The following TGFBR3 variants were observed in gnomAD, a reference collection of about 807,000 sequenced individuals.
The protein encoded by TGFBR3 is transforming growth factor beta receptor 3.
In TGFBR3, 46 loss-of-function variants were observed where a neutral mutation model predicts 87.9. The observed-to-expected ratio is 0.52, with a 90% CI of 0.41 to 0.67. The LOEUF (loss-of-function observed/expected upper bound fraction) is 0.67, where lower values mean the gene tolerates loss of function less well. Ranked by LOEUF, TGFBR3 falls within the 30% of genes least tolerant of loss-of-function variation. The pLI is 0.00. For synonymous variants in TGFBR3, 381 were observed against 391.6 expected (o/e 0.97, Z 0.32); for missense variants, 866 against 1,041.9 (o/e 0.83, Z 2.32).
At position 91,759,383 on chromosome 1, in the gene TGFBR3, CAAAAAAAAAAAAA is replaced by C. The variant is rs35600646; in HGVS notation, c.247-646_247-634del. ...AAGAGTGATTGTATACAGCCCCTGTCAAAAAAAAAAAAAAAAAAAAAACAGGGAAGAAAACCAT... is the reference window on the plus strand; with the variant it reads ...AAGAGTGATTGTATACAGCCCCTGTCAAAAAAAAACAGGGAAGAAAACCAT... On this transcript the variant is annotated intron_variant, in intron 3 of 16. Coordinates refer to ENST00000212355, the MANE Select transcript of TGFBR3 (RefSeq NM_003243.5). Among the ~76,000 whole-genome samples the C allele has an allele frequency of 4.7e-5, 4 of 84,736 alleles. No homozygotes were observed. The Admixed American group carries it at 5.2e-4, about 11-fold the overall frequency. The allele number at this position is 84,736 out of a possible 152,430, so 55.6% of individuals were successfully genotyped here.
intron 3 of TGFBR3, among the ~76,000 whole-genome samples, chr1:91,782,571 T>C (rs748914005): frequency 1.3e-4 from 20 of 152,194 alleles, no homozygotes; most frequent in Non-Finnish European, 5.9e-5. Context: ...AAGGATTGTT[T>C]TTACCTTCAT....
intron 3 of TGFBR3, among the ~76,000 whole-genome samples, chr1:91,790,082 G>A (rs991776105): frequency 6.6e-6 from 1 of 152,144 alleles, no homozygotes; most frequent in African/African-American, 2.4e-5. Flanking sequence ...ATGGGCAGGT[G>A]GGGAGAGACA....
At chr1:91,720,975 C>T (rs944372269) in intron 8 of TGFBR3, among the ~76,000 whole-genome samples, 3 of 152,102 alleles carry the variant, frequency 2.0e-5, no homozygotes, top group Admixed American at 6.6e-5. Context: ...AAGGGAGAGA[C>T]GTATTTCCAT....
chr1:91,830,809 T>C (rs980490667), intron 2 of TGFBR3, among the ~76,000 whole-genome samples: 1 of 152,042 alleles, frequency 6.6e-6, no homozygotes, highest in Admixed American at 6.6e-5. Flanking sequence ...GGTCAGAGCT[T>C]GGTGCAAAAG....
intron 5 of TGFBR3, among the ~76,000 whole-genome samples, chr1:91,732,333 T>G (rs1188012297): frequency 2.0e-5 from 3 of 152,100 alleles, no homozygotes; most frequent in Non-Finnish European, 4.4e-5. Context: ...AAGCATCAGA[T>G]CTCCTAAAGG....
intron 3 of TGFBR3, among the ~76,000 whole-genome samples, chr1:91,780,081 CCA>C (rs1231796906): frequency 6.6e-6 from 1 of 152,114 alleles, no homozygotes; most frequent in Non-Finnish European, 1.5e-5. Flanking sequence ...TATTTAGGGG[CCA>C]CCAGATAATC....
chr1:91,879,679 A>G (rs920196636), intron 1 of TGFBR3, among the ~76,000 whole-genome samples: 1 of 152,232 alleles, frequency 6.6e-6, no homozygotes, highest in Admixed American at 6.5e-5. Context: ...GCAAGACATC[A>G]AAATCATTAT....
At chr1:91,805,459 C>T (rs1001208922) in intron 2 of TGFBR3, among the ~76,000 whole-genome samples, 1 of 152,224 alleles carries the variant, frequency 6.6e-6, no homozygotes, top group African/African-American at 2.4e-5. Context: ...CACAGAGGCA[C>T]AGCCCCCTTC....
At chr1:91,896,467 C>A (rs1412173238) in intron 2 of TGFBR3, among the ~76,000 whole-genome samples, 1 of 152,134 alleles carries the variant, frequency 6.6e-6, no homozygotes, top group East Asian at 1.9e-4. Context: ...CCTGAGGGAA[C>A]CGGGACCAAT....
chr1:91,795,208 A>G (rs1342747656), intron 3 of TGFBR3, among the ~76,000 whole-genome samples: 1 of 152,240 alleles, frequency 6.6e-6, no homozygotes, highest in Non-Finnish European at 1.5e-5. Context: ...AACTACAACC[A>G]TCTAATTCTT....
intron 4 of TGFBR3, among the ~76,000 whole-genome samples, chr1:91,754,393 G>A (rs1382709398): frequency 6.6e-6 from 1 of 152,044 alleles, no homozygotes. Flanking sequence ...ATTTCTGATT[G>A]TTCTCTGGGC....
intron 3 of TGFBR3, among the ~76,000 whole-genome samples, chr1:91,780,956 G>C (rs1374252685): frequency 6.6e-6 from 1 of 151,218 alleles, no homozygotes; most frequent in Non-Finnish European, 1.5e-5. Context: ...CCTGGCATTT[G>C]AGCCATCAGC....
intron 16 of TGFBR3, among the ~76,000 whole-genome samples, chr1:91,686,140 C>T (rs886291271): frequency 6.6e-6 from 1 of 152,140 alleles, no homozygotes; most frequent in African/African-American, 2.4e-5. Context: ...CAGGATCTGC[C>T]CTGTGCTTGA....
rs17882144 is a variant in TGFBR3, at chr1:91,727,617, CA to C, written c.885+41del. On this transcript the variant is annotated intron_variant, in intron 7 of 16. Transcript: ENST00000212355. Reference sequence around the variant, plus strand: ...TATAAAGTACAGCTTAAATTGTTGTCATTTATCTAAACAAAACAAAAGACAT... The same window carrying C: ...TATAAAGTACAGCTTAAATTGTTGTCTTTATCTAAACAAAACAAAAGACAT... 6.1e-5 allele frequency: 98 copies of C among 1,611,726 alleles called. No homozygotes were observed. The Admixed American group carries it at 1.6e-3, about 27-fold the overall frequency.
chr1:91,683,407 C>T lies in TGFBR3; in HGVS notation c.*332G>A, dbSNP rs1384108192. On this transcript the variant is annotated 3_prime_UTR_variant, in exon 17 of 17. Coordinates refer to ENST00000212355, the MANE Select transcript of TGFBR3 (RefSeq NM_003243.5). ...CTCAGGGCCCCAAATTATGGATGTT[C>T]TCACCTGGACAAAGCAGCATTTTAA... 1 of 540,828 alleles carries T rather than the reference C, an allele frequency of 1.8e-6. No homozygotes were observed. Among genetic ancestry groups the T allele is most frequent in the South Asian group, 1.5e-5 (1 of 65,208 alleles). The allele number at this position is 540,828 out of a possible 1,614,324, so 33.5% of individuals were successfully genotyped here.
chr1:91,730,536 G>C (rs1218127229), intron 5 of TGFBR3, among the ~76,000 whole-genome samples: 4 of 152,004 alleles, frequency 2.6e-5, no homozygotes, highest in African/African-American at 9.7e-5. Flanking sequence ...GACTTATACT[G>C]TCATCTGTCT....
intron 2 of TGFBR3, among the ~76,000 whole-genome samples, chr1:91,802,600 A>T (rs2004068): frequency 0.11 from 16,237 of 151,884 alleles, 940 homozygotes; most frequent in Non-Finnish European, 0.13. Flanking sequence ...GCCTCATGTG[A>T]TCCACCTGCG....
chr1:91,822,113 C>T (rs962687802), intron 2 of TGFBR3, among the ~76,000 whole-genome samples: 48 of 152,028 alleles, frequency 3.2e-4, no homozygotes, highest in South Asian at 2.1e-4. Context: ...CTTATGTGAC[C>T]TATTACCATA....
intron 2 of TGFBR3, among the ~76,000 whole-genome samples, chr1:91,830,692 C>T (rs970249127): frequency 6.6e-6 from 1 of 152,046 alleles, no homozygotes; most frequent in Non-Finnish European, 1.5e-5. Context: ...TCCAATACCC[C>T]ACCCCTGACA....
Sources: allele counts gnomAD v4.1 joint callset (sites outside exome capture counted in the v4.1 genomes callset), GRCh38; gene constraint gnomAD v4.1.1; transcripts MANE v1.5; gene names NCBI Gene and HGNC (gene_info 2026-07-23, HGNC 2026-07-21).